FAM81A: variants seen among roughly 807,000 people sequenced by gnomAD.
FAM81A encodes the protein protein FAM81A.
In FAM81A, 19 loss-of-function variants were observed where a neutral mutation model predicts 46.7. The observed-to-expected ratio is 0.41, with a 90% CI of 0.28 to 0.60. FAM81A has a LOEUF of 0.60. FAM81A is among the 20% of genes least tolerant of loss of function. The probability of loss-of-function intolerance (pLI) is 0.34; values close to 1 mark genes in which losing one functional copy is unlikely to be tolerated. For synonymous variants in FAM81A, 183 were observed against 152.9 expected, an observed-to-expected ratio of 1.20 and a Z score of -1.45; for missense variants, 377 against 453.5, an observed-to-expected ratio of 0.83 and a Z score of 1.53.
chr15:59,426,347 C>G (rs762430587), intron 2 of FAM81A, among the ~76,000 whole-genome samples: 1 of 152,168 alleles, frequency 6.6e-6, no homozygotes. Context: ...TGGCTCTTGC[C>G]TGTAATCCTA....
intron 3 of FAM81A, 69 bp from the exon 4 acceptor site, chr15:59,492,194 TGCCAAAAG>T: frequency 9.4e-7 from 1 of 1,058,916 alleles, no homozygotes; most frequent in Non-Finnish European, 1.4e-6. Flanking sequence ...TTCTTATTTT[TGCCAAAAG>T]TATAAAATGC....
intron 6 of FAM81A, among the ~76,000 whole-genome samples, chr15:59,509,544 A>G (rs1283939012): frequency 6.6e-6 from 1 of 152,180 alleles, no homozygotes; most frequent in African/African-American, 2.4e-5. Context: ...GAGGGAGGCA[A>G]TAGGGTCACA....
chr15:59,474,342 A>G (rs368081513), intron 3 of FAM81A, among the ~76,000 whole-genome samples: 1 of 152,200 alleles, frequency 6.6e-6, no homozygotes. Context: ...ACAGTTCTGG[A>G]GGCTGGGAAG....
At chr15:59,421,675 T>C (rs1373510391) in intron 2 of FAM81A, among the ~76,000 whole-genome samples, 1 of 152,118 alleles carries the variant, frequency 6.6e-6, no homozygotes, top group East Asian at 1.9e-4. Context: ...GTTTTAAAGC[T>C]CTTATCCTTG....
rs573786869 is a variant in FAM81A, at chr15:59,466,147, T to C, written c.294+5941T>C. Among the ~76,000 whole-genome samples the C allele has an allele frequency of 7.2e-5, 11 of 152,360 alleles. No individual in the cohort carries two copies. In the East Asian group the frequency reaches 2.1e-3, roughly 29 times the overall value. The stretch of plus-strand genomic sequence containing the variant: ...GGTTGGTTCCAAGTCTTTGCTATTC[T>C]GAATAGTGCTGCAATAAACATACAT... On this transcript the variant is annotated intron_variant, in intron 3 of 8. Coordinates refer to ENST00000288228, the MANE Select transcript of FAM81A (RefSeq NM_152450.3).
chr15:59,484,275 G>T (rs1303193624), intron 3 of FAM81A, among the ~76,000 whole-genome samples: 1 of 152,184 alleles, frequency 6.6e-6, no homozygotes, highest in Non-Finnish European at 1.5e-5. Context: ...ATTTCTAAAA[G>T]TCAGTAGATG....
intron 1 of FAM81A, chr15:59,401,876 A>G: frequency 2.6e-6 from 2 of 762,426 alleles, no homozygotes; most frequent in South Asian, 2.8e-5. Context: ...CCTTGAGACC[A>G]ATCATTTTCT....
At chr15:59,402,114 G>T in intron 1 of FAM81A, 1 of 362,148 alleles carries the variant, frequency 2.8e-6, no homozygotes, top group South Asian at 3.7e-5. Flanking sequence ...ACAGGAGAGT[G>T]ATTTTATATT....
rs972672041 is a variant in FAM81A at position 59,514,563 on chromosome 15, A to G, written c.786+139A>G. ...CCTTAAAATCCATTTCCATAGTTCC[A>G]TATTGATGCTTTGTATTCTTCATAA... On this transcript the variant is annotated intron_variant, in intron 7 of 8. Transcript: ENST00000288228. 1.6e-5 allele frequency: 18 copies of G among 1,106,226 alleles called. No homozygotes were observed. The Admixed American group carries it at 4.9e-4, about 30-fold the overall frequency. The allele number at this position is 1,106,226 out of a possible 1,614,324, so 68.5% of individuals were successfully genotyped here.
At chr15:59,441,297 G>C (rs544680720) in intron 1 of FAM81A, among the ~76,000 whole-genome samples, 1 of 152,104 alleles carries the variant, frequency 6.6e-6, no homozygotes, top group Non-Finnish European at 1.5e-5. Context: ...TGGGGTCCTC[G>C]CTCTGTCCAG....
At chr15:59,501,655 G>A (rs1395014121) in intron 4 of FAM81A, among the ~76,000 whole-genome samples, 1 of 152,174 alleles carries the variant, frequency 6.6e-6, no homozygotes, top group African/African-American at 2.4e-5. Flanking sequence ...TCTCTAGATG[G>A]ACTTCTGACC....
intron 4 of FAM81A, 27 bp downstream of exon 4, chr15:59,492,416 G>A: frequency 6.3e-7 from 1 of 1,580,272 alleles, no homozygotes; most frequent in Non-Finnish European, 8.7e-7. Context: ...TGGGGTCTCT[G>A]CTCATCAAAA....
At chr15:59,416,032 A>G (rs2081145257) in intron 2 of FAM81A, among the ~76,000 whole-genome samples, 1 of 152,224 alleles carries the variant, frequency 6.6e-6, no homozygotes, top group South Asian at 2.1e-4. Context: ...ATCTGTTTAT[A>G]TGTTTACTTT....
intron 7 of FAM81A, among the ~76,000 whole-genome samples, chr15:59,515,262 C>A (rs1431077013): frequency 1.3e-5 from 2 of 152,114 alleles, no homozygotes; most frequent in East Asian, 3.9e-4. Flanking sequence ...AAAAAAAAGT[C>A]TTGCATATGT....
intron 1 of FAM81A, among the ~76,000 whole-genome samples, chr15:59,400,038 A>C (rs1183388572): frequency 6.8e-6 from 1 of 147,838 alleles, no homozygotes; most frequent in African/African-American, 2.4e-5. Context: ...GCTCCTCCAC[A>C]CCTAGGAGCT....
intron 4 of FAM81A, among the ~76,000 whole-genome samples, chr15:59,502,174 T>A (rs992177329): frequency 1.5e-4 from 22 of 151,384 alleles, no homozygotes; most frequent in Non-Finnish European, 1.2e-4. Context: ...TCTTTTTCTT[T>A]TTTTATTTTA....
intron 2 of FAM81A, among the ~76,000 whole-genome samples, chr15:59,410,542 C>G (rs539757441): frequency 8.0e-5 from 1 of 12,538 alleles, no homozygotes; most frequent in Admixed American, 2.2e-3. Flanking sequence ...CTGTGGACTA[C>G]GAGAAAAAAA....
At chr15:59,426,092 T>G (rs1195393856) in intron 2 of FAM81A, among the ~76,000 whole-genome samples, 10 of 152,230 alleles carry the variant, frequency 6.6e-5, no homozygotes, top group African/African-American at 2.4e-4. Context: ...AAAAAAGGCT[T>G]CATAATGCCA....
At chr15:59,432,271 G>A (rs1424512980) in intron 2 of FAM81A, among the ~76,000 whole-genome samples, 2 of 152,216 alleles carry the variant, frequency 1.3e-5, no homozygotes, top group East Asian at 1.9e-4. Context: ...ATTTATCTGG[G>A]TAAGTACACG....
Sources: allele counts gnomAD v4.1 joint callset (sites outside exome capture counted in the v4.1 genomes callset), GRCh38; gene constraint gnomAD v4.1.1; transcripts MANE v1.5; gene names NCBI Gene and HGNC (gene_info 2026-07-23, HGNC 2026-07-21).